CRHR1: variants seen among roughly 807,000 people sequenced by gnomAD.
CRHR1 encodes corticotropin releasing hormone receptor 1.
In CRHR1, 28 loss-of-function variants were observed where a neutral mutation model predicts 56.0. That is an observed-to-expected ratio of 0.50 (90% CI 0.37 to 0.69). The LOEUF is 0.69. Ranked by LOEUF, CRHR1 falls within the 30% of genes least tolerant of loss-of-function variation. The pLI, the probability that CRHR1 is intolerant of heterozygous loss-of-function variation, is 0.00. For synonymous variants in CRHR1, 195 were observed against 216.5 expected (o/e 0.90, Z 0.87); for missense variants, 376 against 548.0 (o/e 0.69, Z 3.13).
At chr17:45,808,485 C>A (rs542765505) in intron 2 of CRHR1, among the ~76,000 whole-genome samples, 33 of 152,298 alleles carry the variant, frequency 2.2e-4, no homozygotes, top group African/African-American at 7.9e-4. Flanking sequence ...CCCTCAACCC[C>A]TCTTGAACCT....
chr17:45,796,904 G>A (rs973686282), intron 1 of CRHR1, among the ~76,000 whole-genome samples: 3 of 152,232 alleles, frequency 2.0e-5, no homozygotes, highest in African/African-American at 7.2e-5. Flanking sequence ...CGGGCTACAA[G>A]AACATATCCA....
At chr17:45,831,038 C>A in intron 8 of CRHR1, 98 bp downstream of exon 8, 3 of 1,160,974 alleles carry the variant, frequency 2.6e-6, no homozygotes, top group East Asian at 2.4e-5. Context: ...GCTTTTTCCC[C>A]TCAGGACCAT....
Position 45,790,053 on chromosome 17 carries a change from G to T in CRHR1, c.33+5476G>T, listed in dbSNP as rs531297007. ...AAAAGGAGAAGTGGTGAGGGGATGGGGGTAGAGGAAGGGTATTTGGCGTAT... is the reference window on the plus strand; with the variant it reads ...AAAAGGAGAAGTGGTGAGGGGATGGTGGTAGAGGAAGGGTATTTGGCGTAT... On this transcript the variant is annotated intron_variant, in intron 1 of 12. Coordinates refer to ENST00000314537, the MANE Select transcript of CRHR1 (RefSeq NM_004382.5). Among the ~76,000 whole-genome samples the T allele has an allele frequency of 3.9e-5, 6 of 152,244 alleles. No individual in the cohort carries two copies. The South Asian group carries it at 1.2e-3, about 32-fold the overall frequency.
At chr17:45,808,590 C>A (rs1001210623) in intron 2 of CRHR1, among the ~76,000 whole-genome samples, 3 of 152,234 alleles carry the variant, frequency 2.0e-5, no homozygotes, top group African/African-American at 7.2e-5. Context: ...CAATATTTCA[C>A]AAACTGTAAA....
intron 1 of CRHR1, among the ~76,000 whole-genome samples, chr17:45,802,017 T>C (rs1016539194): frequency 6.6e-6 from 1 of 152,060 alleles, no homozygotes; most frequent in Non-Finnish European, 1.5e-5. Flanking sequence ...GTTTTTTTTT[T>C]TGTTTGTTTT....
intron 1 of CRHR1, among the ~76,000 whole-genome samples, chr17:45,801,542 G>C (rs758270629): frequency 3.3e-5 from 5 of 152,212 alleles, no homozygotes; most frequent in Non-Finnish European, 7.3e-5. Context: ...TGAGTGGAGA[G>C]ATTTGTAGCT....
intron 4 of CRHR1, among the ~76,000 whole-genome samples, chr17:45,823,944 G>T (rs1158016358): frequency 6.6e-6 from 1 of 152,222 alleles, no homozygotes; most frequent in Non-Finnish European, 1.5e-5. Flanking sequence ...CCAGACCTTT[G>T]GGTGGCACTC....
At chr17:45,815,941 A>G (rs2061918427) in intron 2 of CRHR1, among the ~76,000 whole-genome samples, 1 of 152,200 alleles carries the variant, frequency 6.6e-6, no homozygotes. Flanking sequence ...GGAAGAAGGA[A>G]CAGGCCAGCC....
intron 3 of CRHR1, among the ~76,000 whole-genome samples, chr17:45,820,046 G>T (rs1253063511): frequency 6.6e-6 from 1 of 152,192 alleles, no homozygotes; most frequent in African/African-American, 2.4e-5. Context: ...GCTGGTCCCA[G>T]GGCCCCAGCC....
At chr17:45,801,158 A>C (rs2061613880) in intron 1 of CRHR1, among the ~76,000 whole-genome samples, 1 of 152,090 alleles carries the variant, frequency 6.6e-6, no homozygotes, top group African/African-American at 2.4e-5. Context: ...GGAGCAGGCC[A>C]TGTCAGAACC....
intron 3 of CRHR1, 70 bp downstream of exon 3, chr17:45,816,652 G>A (rs2061935296): frequency 1.2e-6 from 2 of 1,602,408 alleles, no homozygotes; most frequent in East Asian, 2.2e-5. Context: ...TGGAGGTGGG[G>A]GAAGGAAGAA....
intron 1 of CRHR1, among the ~76,000 whole-genome samples, chr17:45,798,620 G>A (rs776775526): frequency 2.6e-5 from 4 of 152,102 alleles, no homozygotes; most frequent in African/African-American, 9.7e-5. Context: ...TTGGAGGGGC[G>A]TGTGTGACTC....
chr17:45,802,306 C>T (rs757176150), intron 1 of CRHR1, among the ~76,000 whole-genome samples: 5 of 152,166 alleles, frequency 3.3e-5, no homozygotes, highest in Non-Finnish European at 5.9e-5. Flanking sequence ...GCCTGGGCGA[C>T]AGAGCAAGAC....
chr17:45,787,103 C>A (rs933772250), intron 1 of CRHR1, among the ~76,000 whole-genome samples: 1 of 152,176 alleles, frequency 6.6e-6, no homozygotes, highest in Non-Finnish European at 1.5e-5. Context: ...GGAAAGGGTC[C>A]ACTCTGGGGC....
rs544108222 is a variant in CRHR1 at position 45,835,185 on chromosome 17, A to G, written c.*421A>G. On this transcript the variant is annotated 3_prime_UTR_variant, in exon 13 of 13. Transcript: ENST00000314537. ...TTGCTGCCCTGGGGCATCATGGGCA[A>G]CTCGTGACAGCCTCTGACTCACCAC... is the stretch of plus-strand genomic sequence containing the variant. 6.1e-4 allele frequency: 117 copies of G among 190,654 alleles called. 2 individuals are homozygous for G. The South Asian group carries it at 7.7e-3, about 13-fold the overall frequency. 11.8% of individuals were successfully genotyped at this position (190,654 alleles called of 1,614,324 possible). A position where few individuals can be genotyped will look rare whatever the true frequency, so the allele number is the denominator to read the frequency against.
intron 8 of CRHR1, among the ~76,000 whole-genome samples, chr17:45,832,312 G>A (rs2062332311): frequency 6.6e-6 from 1 of 152,172 alleles, no homozygotes. Flanking sequence ...TCCACCTGGT[G>A]GTGAGAATTC....
Position 45,835,791 on chromosome 17 carries a change from G to C in CRHR1, c.*1027G>C, listed in dbSNP as rs1211666027. 6.6e-6 allele frequency: 1 copy of C among 152,386 alleles called. No homozygotes were observed. The highest frequency in any genetic ancestry group is 1.5e-5 in the Non-Finnish European group (1 of 68,172). 9.4% of individuals were successfully genotyped at this position (152,386 alleles called of 1,614,324 possible). On this transcript the variant is annotated 3_prime_UTR_variant, in exon 13 of 13. Coordinates refer to ENST00000314537, the MANE Select transcript of CRHR1 (RefSeq NM_004382.5). ...GATGAGGGTGTCGGCTGTGAGGCGG[G>C]TGGCTGGTATAAATAATATTTATCT... is the stretch of plus-strand genomic sequence containing the variant.
chr17:45,829,256 CTACCTGGGCCACTG>C lies in CRHR1; in HGVS notation c.372_385del (p.Gly126ProfsTer94). 6.2e-7 allele frequency: 1 copy of C among 1,614,130 alleles called. No homozygotes were observed. The highest frequency in any genetic ancestry group is 2.2e-5 in the East Asian group (1 of 44,882). Reference sequence around the variant, plus strand: ...ACTACCATGTCGCAGTCATCATCAACTACCTGGGCCACTGTATCTCCCTGGTGGCCCTCCTGGTG... The same window carrying C: ...ACTACCATGTCGCAGTCATCATCAACTATCTCCCTGGTGGCCCTCCTGGTG... On this transcript the variant is annotated frameshift_variant, in exon 5 of 13. Coordinates refer to ENST00000314537, the MANE Select transcript of CRHR1 (RefSeq NM_004382.5). LOFTEE classifies it high-confidence loss of function.
chr17:45,796,504 A>C (rs554789212), intron 1 of CRHR1, among the ~76,000 whole-genome samples: 12 of 152,318 alleles, frequency 7.9e-5, no homozygotes, highest in African/African-American at 2.9e-4. Context: ...GATGAGGAAG[A>C]GGAGGGAAGG....
Sources: allele counts gnomAD v4.1 joint callset (sites outside exome capture counted in the v4.1 genomes callset), GRCh38; gene constraint gnomAD v4.1.1; transcripts MANE v1.5; gene names NCBI Gene and HGNC (gene_info 2026-07-23, HGNC 2026-07-21).